B3GALNT2: variants seen among roughly 807,000 people sequenced by gnomAD.
B3GALNT2 encodes the protein UDP-GalNAc:beta-1,3-N-acetylgalactosaminyltransferase 2.
B3GALNT2 carries 53 observed loss-of-function variants against 61.1 expected under a neutral mutation model. The ratio of observed to expected loss-of-function variants is 0.87; its 90% confidence interval spans 0.70 to 1.09. The LOEUF is 1.09. Among genes scored for constraint, B3GALNT2 ranks in the 50% least tolerant of loss-of-function variants. The pLI, the probability that B3GALNT2 is intolerant of heterozygous loss-of-function variation, is 0.00. For synonymous variants in B3GALNT2, 223 were observed against 237.4 expected (o/e 0.94, Z 0.56); for missense variants, 544 against 623.0 (o/e 0.87, Z 1.35).
At chr1:235,480,648 T>C (rs1684515658) in intron 4 of B3GALNT2, among the ~76,000 whole-genome samples, 2 of 152,006 alleles carry the variant, frequency 1.3e-5, no homozygotes, top group African/African-American at 4.8e-5. Context: ...CTCACGCTTG[T>C]AATCCCACCA....
intron 1 of B3GALNT2, among the ~76,000 whole-genome samples, chr1:235,501,735 A>C (rs1338413461): frequency 1.3e-5 from 2 of 152,216 alleles, no homozygotes; most frequent in African/African-American, 4.8e-5. Context: ...AATGAGACTG[A>C]AGACAGACAA....
the B3GALNT2 span, chr1:235,441,598 C>G: frequency 1.7e-6 from 1 of 573,440 alleles, no homozygotes; most frequent in Non-Finnish European, 3.1e-6. Context: ...AGATAAGCTA[C>G]AGAGTCTGCA....
At chr1:235,496,346 G>T in intron 1 of B3GALNT2, 1 of 982,284 alleles carries the variant, frequency 1.0e-6, no homozygotes, top group Non-Finnish European at 1.3e-6. Flanking sequence ...AAATGGAATA[G>T]AGGTATTTAT....
At chr1:235,461,487 A>G (rs1335989360) in intron 7 of B3GALNT2, among the ~76,000 whole-genome samples, 2 of 147,136 alleles carry the variant, frequency 1.4e-5, no homozygotes, top group Non-Finnish European at 3.0e-5. Context: ...TTTGAGAAAC[A>G]CAGGGGTAGA....
At chr1:235,471,253 C>T (rs927906411) in intron 5 of B3GALNT2, among the ~76,000 whole-genome samples, 4 of 152,154 alleles carry the variant, frequency 2.6e-5, no homozygotes, top group African/African-American at 9.7e-5. Context: ...GCTGTCACAG[C>T]CATTCTTCCT....
rs190052220 is a variant in B3GALNT2 at position 235,447,504 on chromosome 1, T to C, written c.*2702A>G. 5.9e-5 allele frequency among the ~76,000 whole-genome samples: 9 copies of C among 152,324 alleles called. No homozygotes were observed. The East Asian group carries it at 1.4e-3, about 23-fold the overall frequency. Reference sequence around the variant, plus strand: ...CCCATGCCTGGCAGTCACTTGTGTATGTTTAATACAGTTACACATGATGTA... The same window carrying C: ...CCCATGCCTGGCAGTCACTTGTGTACGTTTAATACAGTTACACATGATGTA... On this transcript the variant is annotated 3_prime_UTR_variant, in exon 12 of 12. Coordinates refer to ENST00000366600, the MANE Select transcript of B3GALNT2 (RefSeq NM_152490.5).
At chr1:235,490,569 C>T (rs183571347) in intron 2 of B3GALNT2, among the ~76,000 whole-genome samples, 1 of 152,282 alleles carries the variant, frequency 6.6e-6, no homozygotes, top group Admixed American at 6.5e-5. Flanking sequence ...TGTAAAGGAC[C>T]TGTAAATTCA....
chr1:235,466,492 A>G (rs1170640100), intron 6 of B3GALNT2, among the ~76,000 whole-genome samples: 1 of 152,146 alleles, frequency 6.6e-6, no homozygotes, highest in Non-Finnish European at 1.5e-5. Context: ...AGCTAGCACT[A>G]CAGGTGTGCA....
chr1:235,448,283 C>T lies in B3GALNT2; in HGVS notation c.*1923G>A. 8.4e-7 allele frequency: 1 copy of T among 1,191,838 alleles called. No homozygotes were observed. Among genetic ancestry groups the T allele is most frequent in the Non-Finnish European group, 1.2e-6 (1 of 804,866 alleles). 73.8% of individuals were successfully genotyped at this position (1,191,838 alleles called of 1,614,324 possible). A position where few individuals can be genotyped will look rare whatever the true frequency, so the allele number is the denominator to read the frequency against. On this transcript the variant is annotated 3_prime_UTR_variant, in exon 12 of 12. Coordinates refer to ENST00000366600, the MANE Select transcript of B3GALNT2 (RefSeq NM_152490.5). ...TTGCAATGATACTGTGGTCTCATCA[C>T]ATGAGCTAGTTTTACAGGTAACTGT...
At chr1:235,444,698 C>A (rs765838320), downstream of B3GALNT2, among the ~76,000 whole-genome samples, 23 of 152,262 alleles carry the variant, frequency 1.5e-4, no homozygotes, top group Non-Finnish European at 2.2e-4. Flanking sequence ...AGCCACCATG[C>A]CTGGCAGGCC....
intron 8 of B3GALNT2, among the ~76,000 whole-genome samples, chr1:235,456,837 C>T (rs1157088588): frequency 6.6e-6 from 1 of 152,080 alleles, no homozygotes; most frequent in Non-Finnish European, 1.5e-5. Context: ...CTTCCATGCC[C>T]ATTCCTCATC....
rs375885959 is a variant in B3GALNT2, at chr1:235,480,035, T to G, written c.651+19A>C. 1.9e-6 allele frequency: 3 copies of G among 1,612,974 alleles called. No homozygotes were observed. Among genetic ancestry groups the G allele is most frequent in the Non-Finnish European group, 1.7e-6 (2 of 1,179,382 alleles). On this transcript the variant is annotated intron_variant, in intron 5 of 11. Transcript: ENST00000366600. ...GAAGGACTGCATTGGTACTACAGTC[T>G]TTTCCTGCCATCCTGTACCTCTGGT...
chr1:235,467,801 T>C (rs1183557442), intron 6 of B3GALNT2, among the ~76,000 whole-genome samples: 6 of 140,806 alleles, frequency 4.3e-5, no homozygotes, highest in African/African-American at 1.6e-4. Context: ...TTTTTTGAGA[T>C]GGAGTTTCAC....
At chr1:235,480,943 A>C (rs1355833815) in intron 4 of B3GALNT2, among the ~76,000 whole-genome samples, 3 of 137,262 alleles carry the variant, frequency 2.2e-5, no homozygotes, top group Non-Finnish European at 4.7e-5. Flanking sequence ...AAAAAAAAAA[A>C]AACCGGACTG....
intron 4 of B3GALNT2, among the ~76,000 whole-genome samples, chr1:235,481,662 C>A (rs2102838397): frequency 6.6e-6 from 1 of 151,860 alleles, no homozygotes; most frequent in East Asian, 1.9e-4. Flanking sequence ...TTTTTTTAAA[C>A]TATATATACT....
intron 7 of B3GALNT2, among the ~76,000 whole-genome samples, chr1:235,462,887 A>C (rs976007109): frequency 1.3e-5 from 2 of 152,228 alleles, no homozygotes; most frequent in Admixed American, 1.3e-4. Context: ...CAGCGATCCC[A>C]TTAGGAAAGT....
At position 235,447,619 on chromosome 1, in the gene B3GALNT2, A is replaced by AGAT. The variant is rs1362103225; in HGVS notation, c.*2584_*2586dup. Among the ~76,000 whole-genome samples the AGAT allele has an allele frequency of 1.3e-5, 2 of 152,186 alleles. No homozygotes were observed. The highest frequency in any genetic ancestry group is 2.9e-5 in the Non-Finnish European group (2 of 68,038). On this transcript the variant is annotated 3_prime_UTR_variant, in exon 12 of 12. Transcript: ENST00000366600. ...AGGGGGAACTAAGGCCAGAGTTGAG[A>AGAT]GATGTCCTCAGGATACCTGAGTCCC...
chr1:235,460,891 T>C (rs373423614), intron 7 of B3GALNT2, among the ~76,000 whole-genome samples: 20 of 152,336 alleles, frequency 1.3e-4, no homozygotes, highest in African/African-American at 4.6e-4. Flanking sequence ...CTGGCCATGA[T>C]ATTTCATAAT....
At chr1:235,476,878 A>G (rs1190788776) in intron 5 of B3GALNT2, among the ~76,000 whole-genome samples, 1 of 151,536 alleles carries the variant, frequency 6.6e-6, no homozygotes, top group African/African-American at 2.4e-5. Context: ...TAAAAAATTT[A>G]GTTGGGTCTG....
Sources: allele counts gnomAD v4.1 joint callset (sites outside exome capture counted in the v4.1 genomes callset), GRCh38; gene constraint gnomAD v4.1.1; transcripts MANE v1.5; gene names NCBI Gene and HGNC (gene_info 2026-07-23, HGNC 2026-07-21).